The following CROCC variants were observed in gnomAD, a reference collection of about 807,000 sequenced individuals.
CROCC encodes the protein rootletin.
CROCC carries 180 observed loss-of-function variants against 245.2 expected under a neutral mutation model. The observed-to-expected ratio is 0.73, with a 90% CI of 0.65 to 0.83. The LOEUF is 0.83. Among genes scored for constraint, CROCC ranks in the 40% least tolerant of loss-of-function variants. The pLI is 0.00. For missense variants in CROCC, 2,688 were observed against 2,779.4 expected, an observed-to-expected ratio of 0.97 and a Z score of 0.74; for synonymous variants, 1,205 against 1,241.6, an observed-to-expected ratio of 0.97 and a Z score of 0.62.
rs765661435 is a variant in CROCC, at chr1:16,931,413, G to A, written c.956+16G>A. 5.6e-6 allele frequency: 9 copies of A among 1,602,074 alleles called. No homozygotes were observed. The East Asian group carries it at 1.6e-4, about 28-fold the overall frequency. On this transcript the variant is annotated intron_variant, in intron 8 of 36. Transcript: ENST00000375541. ...TCACTGAGAGGTGAGGCCTGGCCGG[G>A]GACGGGGCAGCAGCTGAGAGCCAGC...
At position 16,943,277 on chromosome 1, in the gene CROCC, C is replaced by G. The variant is rs538410643; in HGVS notation, c.1809-823C>G. Among the ~76,000 whole-genome samples the G allele has an allele frequency of 2.6e-5, 4 of 152,022 alleles. No individual in the cohort carries two copies. The East Asian group carries it at 7.7e-4, about 29-fold the overall frequency. On this transcript the variant is annotated intron_variant, in intron 13 of 36. Transcript: ENST00000375541. ...AAATTACTGGGCGCATTGGCTCATG[C>G]CTGTAATCCCAGCACTTTGGGAGGC... is the stretch of plus-strand genomic sequence containing the variant.
rs539621854 is a variant in CROCC at position 16,971,701 on chromosome 1, A to G, written c.5967+54A>G. 9.6e-5 allele frequency: 136 copies of G among 1,411,654 alleles called. 1 individual carries two copies. In the African/African-American group the frequency reaches 1.8e-3, roughly 19 times the overall value. 87.4% of individuals were successfully genotyped at this position (1,411,654 alleles called of 1,614,324 possible). ...CAGGATGGATGTGTGGGGCTGCAGA[A>G]AGAGGAGAGACCCAATCAAGACCTT... On this transcript the variant is annotated intron_variant, in intron 36 of 36. Transcript: ENST00000375541.
rs2076451142 is a variant in CROCC at position 16,968,231 on chromosome 1, A to G, written c.4889A>G (p.Glu1630Gly). ...QEKISKMKAN[E>G]TKLEGDKRRL... ...AAGATCAGCAAGATGAAGGCCAATG[A>G]GACAAAGCTGGAGGGCGACAAGCGG... Residue 1630 changes from glutamate (E) to glycine (G), a missense_variant, in exon 31 of 37, where the codon GAG becomes GGG. Physicochemically the swap from Glu to Gly is moderately conservative, Grantham distance 98. Coordinates refer to ENST00000375541, the MANE Select transcript of CROCC (RefSeq NM_014675.5). 2 of 1,567,490 alleles carry G rather than the reference A, an allele frequency of 1.3e-6. No individual in the cohort carries two copies. The highest frequency in any genetic ancestry group is 1.7e-6 in the Non-Finnish European group (2 of 1,157,598).
In CROCC at chr1:16,943,953, T is replaced by C. The variant is rs572131294; in HGVS notation, c.1809-147T>C. On this transcript the variant is annotated intron_variant, in intron 13 of 36. Coordinates refer to ENST00000375541, the MANE Select transcript of CROCC (RefSeq NM_014675.5). The stretch of plus-strand genomic sequence containing the variant: ...GTGTGTGAGTGAAATGAGTCAGCCA[T>C]GGACAGGGTGGTCAGGGAAGGCTTC... 269 of 784,320 alleles carry C rather than the reference T, an allele frequency of 3.4e-4. 2 individuals carry two copies. In the South Asian group the frequency reaches 4.5e-3, roughly 13 times the overall value. 48.6% of individuals were successfully genotyped at this position (784,320 alleles called of 1,614,324 possible).
At chr1:16,918,994 C>G (rs2075348707), upstream of CROCC, among the ~76,000 whole-genome samples, 1 of 152,282 alleles carries the variant, frequency 6.6e-6, no homozygotes, top group Non-Finnish European at 1.5e-5. Flanking sequence ...GCCTCGGCAT[C>G]CCAGTGTTGG....
chr1:16,961,112 C>T lies in CROCC; in HGVS notation c.4387C>T (p.Arg1463Trp), dbSNP rs554800183. Residue 1463 changes from arginine (R) to tryptophan (W), a missense_variant, in exon 27 of 37, where the codon CGG becomes TGG. Physicochemically the swap from Arg to Trp is moderately radical, Grantham distance 101. Coordinates refer to ENST00000375541, the MANE Select transcript of CROCC (RefSeq NM_014675.5). ...GCGGCCAGTGCCCGGTTCCCCTGCC[C>T]GGGACGCACCCGCAGAAGGTAAGGG... ...APRPVPGSPA[R>W]DAPAEGSGEG... The T allele has an allele frequency of 1.8e-4, 248 of 1,353,890 alleles. No individual in the cohort carries two copies. The highest frequency in any genetic ancestry group is 4.9e-4 in the Admixed American group (13 of 26,774). The allele number at this position is 1,353,890 out of a possible 1,614,324, so 83.9% of individuals were successfully genotyped here.
Position 16,938,411 on chromosome 1 carries a change from G to A in CROCC, c.1302G>A (p.Arg434=), listed in dbSNP as rs1464840576. The change falls in exon 11 of 37, where the codon CGG becomes CGA. Residue 434 remains arginine (R), a synonymous_variant. Transcript: ENST00000375541. ...TEKLEALESL[R]LQEQAALETE... ...TAACCGCACTCCAGGAATCCCTGCG[G>A]CTACAGGAGCAGGCGGCCCTGGAGA... The A allele has an allele frequency of 1.9e-6, 3 of 1,568,812 alleles. No individual in the cohort carries two copies. Among genetic ancestry groups the A allele is most frequent in the Non-Finnish European group, 2.6e-6 (3 of 1,157,532 alleles).
chr1:16,931,498 G>A (rs1278751577), intron 8 of CROCC, 101 bp downstream of exon 8: 12 of 1,148,954 alleles, frequency 1.0e-5, no homozygotes, highest in Non-Finnish European at 1.3e-5. Flanking sequence ...CGCACTTACT[G>A]TGCACAAGGG....
chr1:16,948,150 C>T (rs113616283), intron 17 of CROCC, among the ~76,000 whole-genome samples, 181 bp from the exon 18 acceptor site: 69 of 152,398 alleles, frequency 4.5e-4, no homozygotes, highest in African/African-American at 1.4e-3. Context: ...TTTGTACACA[C>T]GTGCATTGCA....
intron 32 of CROCC, 136 bp from the exon 33 acceptor site, chr1:16,969,649 G>T: frequency 7.8e-7 from 1 of 1,275,222 alleles, no homozygotes; most frequent in Non-Finnish European, 1.1e-6. Context: ...GCCGTGGATG[G>T]GTTTGGTGTG....
In CROCC at chr1:16,970,242, T is replaced by C; in HGVS notation, c.5452-11T>C. 2.6e-6 allele frequency: 4 copies of C among 1,540,846 alleles called. No individual in the cohort carries two copies. Among genetic ancestry groups the C allele is most frequent in the Non-Finnish European group, 3.5e-6 (4 of 1,137,174 alleles). On this transcript the variant is annotated splice_polypyrimidine_tract_variant and intron_variant, in intron 33 of 36. Coordinates refer to ENST00000375541, the MANE Select transcript of CROCC (RefSeq NM_014675.5). ...CAGAGGGATTCGGGGCCTGCCTGGC[T>C]TCTGTTGCAGGTGCTGCGGCAGCGG... is the stretch of plus-strand genomic sequence containing the variant.
chr1:16,915,505 T>C (rs558632037), intron 1 of CROCC, among the ~76,000 whole-genome samples: 389 of 152,190 alleles, frequency 2.6e-3, no homozygotes, highest in Admixed American at 3.7e-3. Flanking sequence ...CCAGACGTGG[T>C]GGCACGCACC....
In CROCC at chr1:16,944,094, C is replaced by T. The variant is rs1378471189; in HGVS notation, c.1809-6C>T. On this transcript the variant is annotated splice_polypyrimidine_tract_variant and splice_region_variant and intron_variant, in intron 13 of 36. Coordinates refer to ENST00000375541, the MANE Select transcript of CROCC (RefSeq NM_014675.5). ...CCCCTCTGCTCCCCCTCCCCTTGTC[C>T]TGAAGGGAGAAGAGCAACCTGGCCC... The T allele has an allele frequency of 1.9e-6, 3 of 1,544,572 alleles. No homozygotes were observed. The highest frequency in any genetic ancestry group is 2.6e-6 in the Non-Finnish European group (3 of 1,142,652).
chr1:16,952,238 A>T (rs1234479972), intron 20 of CROCC, among the ~76,000 whole-genome samples: 2 of 149,762 alleles, frequency 1.3e-5, no homozygotes, highest in African/African-American at 2.4e-5. Context: ...GTAATCCAGC[A>T]CTTTGGGAGG....
rs764514062 is a variant in CROCC at position 16,922,001 on chromosome 1, G to A, written c.-18G>A. On this transcript the variant is annotated 5_prime_UTR_variant, in exon 1 of 37. An upstream start codon of the reference 5' UTR is lost. Transcript: ENST00000375541. ...TCCTGGAGAAGGGGGCTGGAGGCAT[G>A]CCCACAGCCTCCCCCCCATGAGCTT... The A allele has an allele frequency of 6.5e-7, 1 of 1,547,940 alleles. No homozygotes were observed. The highest frequency in any genetic ancestry group is 8.7e-7 in the Non-Finnish European group (1 of 1,144,096).
At position 16,924,360 on chromosome 1, in the gene CROCC, T is replaced by TCG. The variant is rs749799355; in HGVS notation, c.234_235dup (p.Leu79ArgfsTer129). ...GGCCACAGAGATGGCATCGCTGCTG[T>TCG]CGCTGCAGGAGGAGAACCAGCTGCT... is the stretch of plus-strand genomic sequence containing the variant. On this transcript the variant is annotated frameshift_variant, in exon 3 of 37. Transcript: ENST00000375541. LOFTEE classifies it high-confidence loss of function. The TCG allele has an allele frequency of 3.7e-6, 6 of 1,613,210 alleles. No individual in the cohort carries two copies. The highest frequency in any genetic ancestry group is 5.1e-6 in the Non-Finnish European group (6 of 1,179,812).
In CROCC at chr1:16,963,055, C is replaced by T. The variant is rs1043812752; in HGVS notation, c.4405+1925C>T. On this transcript the variant is annotated intron_variant, in intron 27 of 36. Coordinates refer to ENST00000375541, the MANE Select transcript of CROCC (RefSeq NM_014675.5). ...AAAATTAGTCAAGTGTGGTGGCAGA[C>T]GCCTGTAATCCCAGCTACTCGGGAG... 1.2e-4 allele frequency among the ~76,000 whole-genome samples: 18 copies of T among 151,702 alleles called. No homozygotes were observed. The East Asian group carries it at 2.7e-3, about 23-fold the overall frequency.
At position 16,946,850 on chromosome 1, in the gene CROCC, G is replaced by T. The variant is rs1396177954; in HGVS notation, c.2373G>T (p.Glu791Asp). The T allele has an allele frequency of 3.2e-6, 5 of 1,555,114 alleles. No homozygotes were observed. Among genetic ancestry groups the T allele is most frequent in the Non-Finnish European group, 4.4e-6 (5 of 1,149,208 alleles). The change falls in exon 17 of 37, where the codon GAG (glutamate) becomes GAT (aspartate). Residue 791 changes from glutamate to aspartate, a missense_variant. Around this residue, in one of 9 missense-constraint regions of CROCC, gnomAD observed 295 missense variants for 241.7 expected, o/e 1.22. Transcript: ENST00000375541. ...CGCGGGAAGAGCAGGAACGGCTAGA[G>T]GAGCTGCGGTTGGAGCAGGAGGTGG... ...TVAREEQERLEELRLEQEVAR... is the reference protein window; with the variant it reads ...TVAREEQERLDELRLEQEVAR...
chr1:16,926,714 T>C (rs1405813226), intron 3 of CROCC, among the ~76,000 whole-genome samples: 3 of 152,234 alleles, frequency 2.0e-5, no homozygotes, highest in African/African-American at 7.2e-5. Flanking sequence ...CAGCTGGGAA[T>C]GGAAAGGAGG....
Sources: allele counts gnomAD v4.1 joint callset (sites outside exome capture counted in the v4.1 genomes callset), GRCh38; gene constraint gnomAD v4.1.1; regional missense constraint gnomAD v4.1.1; transcripts MANE v1.5; gene names NCBI Gene and HGNC (gene_info 2026-07-23, HGNC 2026-07-21).